The following USP54 variants were observed in gnomAD, a reference collection of about 807,000 sequenced individuals.
The protein encoded by USP54 is ubiquitin specific peptidase 54.
Under a neutral mutation model 170.5 loss-of-function variants are expected in USP54, and 87 were observed. That is an observed-to-expected ratio of 0.51 (90% CI 0.43 to 0.61). The LOEUF (loss-of-function observed/expected upper bound fraction) is 0.61. Among genes scored for constraint, USP54 ranks in the 20% least tolerant of loss-of-function variants. USP54 has a pLI of 0.00. For missense variants in USP54, 1,786 were observed against 2,047.8 expected (o/e 0.87, Z 2.47); for synonymous variants, 655 against 742.8 (o/e 0.88, Z 1.92).
At chr10:73,527,128 C>T (rs2063018663) in intron 15 of USP54, among the ~76,000 whole-genome samples, 1 of 152,158 alleles carries the variant, frequency 6.6e-6, no homozygotes, top group Non-Finnish European at 1.5e-5. Context: ...CAGGGAAGAA[C>T]ATTGACAGAG....
chr10:73,553,212 C>T (rs181581053), intron 4 of USP54: 104 of 152,316 alleles, frequency 6.8e-4, no homozygotes, highest in African/African-American at 2.4e-3. Context: ...AATCTTTTCT[C>T]ACCTCTTAAT....
In USP54 at chr10:73,542,827, T is replaced by C; in HGVS notation, c.548A>G (p.His183Arg). 1 of 1,613,442 alleles carries C rather than the reference T, an allele frequency of 6.2e-7. No homozygotes were observed. Among genetic ancestry groups the C allele is most frequent in the Non-Finnish European group, 8.5e-7 (1 of 1,179,978 alleles). ...SDPLPFIQMV[H>R]YISTTSLCNQ... is the part of the protein sequence containing the mutation. ...CCAAAGGGAAGTGGTGGAGATATAATGTACCATCTGGATGAAAGGCAGCGG... is the reference window on the plus strand; with the variant it reads ...CCAAAGGGAAGTGGTGGAGATATAACGTACCATCTGGATGAAAGGCAGCGG... The change falls in exon 7 of 24, where the codon CAT becomes CGT. Residue 183 changes from histidine (H) to arginine (R), a missense_variant. Physicochemically the swap from His to Arg is conservative, Grantham distance 29. Around this residue, in one of 3 missense-constraint regions of USP54, gnomAD observed 361 missense variants for 455.0 expected, o/e 0.79. Coordinates refer to ENST00000687698, the MANE Select transcript of USP54 (RefSeq NM_001391956.1).
intron 4 of USP54, among the ~76,000 whole-genome samples, chr10:73,569,612 G>T (rs953435153): frequency 6.6e-6 from 1 of 151,852 alleles, no homozygotes; most frequent in African/African-American, 2.4e-5. Context: ...ATTAGCTAGG[G>T]CGTGGTGGCA....
At chr10:73,570,633 A>G (rs1338996549) in intron 4 of USP54, among the ~76,000 whole-genome samples, 1 of 145,130 alleles carries the variant, frequency 6.9e-6, no homozygotes, top group Non-Finnish European at 1.5e-5. Flanking sequence ...TGCAGCTTTT[A>G]ACTTCTAAGC....
chr10:73,564,190 A>G (rs2073777823), intron 4 of USP54, among the ~76,000 whole-genome samples: 3 of 152,106 alleles, frequency 2.0e-5, no homozygotes, highest in Admixed American at 1.3e-4. Flanking sequence ...TTGTAGAGAC[A>G]GGATCTCATT....
intron 20 of USP54, chr10:73,506,705 A>G (rs1000512602): frequency 1.8e-4 from 27 of 152,290 alleles, no homozygotes; most frequent in African/African-American, 6.5e-4. Flanking sequence ...GCTGAATCAG[A>G]AGGTTTGTGG....
intron 3 of USP54, 88 bp downstream of exon 3, chr10:73,575,424 C>A (rs2075984558): frequency 7.2e-7 from 1 of 1,386,598 alleles, no homozygotes; most frequent in African/African-American, 1.5e-5. Context: ...CAGAGACTAT[C>A]AAACATTTTA....
intron 22 of USP54, 38 bp from the exon 23 acceptor site, chr10:73,500,876 G>T: frequency 6.4e-7 from 1 of 1,572,678 alleles, no homozygotes; most frequent in Non-Finnish European, 8.6e-7. Context: ...TAGAGATGAG[G>T]ATTAACACAA....
intron 9 of USP54, 41 bp downstream of exon 9, chr10:73,541,334 G>A (rs373603863): frequency 1.3e-5 from 21 of 1,611,938 alleles, no homozygotes; most frequent in Admixed American, 1.7e-5. Context: ...ATACTAAGAC[G>A]CAAGAACTCA....
In USP54 at chr10:73,498,465, G is replaced by A. The variant is rs1006615856; in HGVS notation, c.*164C>T. ...TAATTTTTTGTATTTTGGTAGAGAC[G>A]GGGTTTCACCATGTTGGCCAGGATG... On this transcript the variant is annotated 3_prime_UTR_variant, in exon 24 of 24. Coordinates refer to ENST00000687698, the MANE Select transcript of USP54 (RefSeq NM_001391956.1). 36 of 530,910 alleles carry A rather than the reference G, an allele frequency of 6.8e-5. 1 individual carries two copies. In the South Asian group the frequency reaches 1.1e-3, roughly 16 times the overall value. 32.9% of individuals were successfully genotyped at this position (530,910 alleles called of 1,614,324 possible).
At position 73,571,504 on chromosome 10, in the gene USP54, G is replaced by A. The variant is rs1248426271; in HGVS notation, c.157C>T (p.His53Tyr). 6.2e-7 allele frequency: 1 copy of A among 1,613,438 alleles called. No homozygotes were observed. The highest frequency in any genetic ancestry group is 1.7e-5 in the Admixed American group (1 of 59,940). ...FLNSALQVLW[H>Y]LDIFRRSFRQ... ...AAGCTACGTCGGAAGATATCCAAGTGCCACAAAACCTGATGAGAAAAGGAA... is the reference window on the plus strand; with the variant it reads ...AAGCTACGTCGGAAGATATCCAAGTACCACAAAACCTGATGAGAAAAGGAA... Residue 53 changes from histidine to tyrosine, a missense_variant, in exon 4 of 24, where the codon CAC becomes TAC. Coordinates refer to ENST00000687698, the MANE Select transcript of USP54 (RefSeq NM_001391956.1).
intron 1 of USP54, among the ~76,000 whole-genome samples, chr10:73,586,272 A>G (rs868472655): frequency 2.0e-5 from 3 of 152,124 alleles, no homozygotes; most frequent in Non-Finnish European, 4.4e-5. Flanking sequence ...CTCTCTCTGG[A>G]ATGCCTTTCC....
intron 1 of USP54, among the ~76,000 whole-genome samples, chr10:73,618,725 G>A (rs1212977814): frequency 7.0e-6 from 1 of 142,460 alleles, no homozygotes; most frequent in Non-Finnish European, 1.5e-5. Context: ...CTGGGTCACA[G>A]AGCGAGACTC....
chr10:73,502,976 A>G lies in USP54; in HGVS notation c.4311+1874T>C, dbSNP rs143754356. 4.5e-3 allele frequency among the ~76,000 whole-genome samples: 687 copies of G among 152,226 alleles called. 3 individuals are homozygous for G. The highest frequency in any genetic ancestry group is 8.2e-3 in the Non-Finnish European group (556 of 68,016). On this transcript the variant is annotated intron_variant, in intron 22 of 23. Transcript: ENST00000687698. ...ATCATCCTTTATCCCCACTCCCAAC[A>G]TCCAGGCAGGCACCAACTCCCACTG...
chr10:73,532,872 A>G (rs2064325516), intron 12 of USP54, among the ~76,000 whole-genome samples: 1 of 152,230 alleles, frequency 6.6e-6, no homozygotes. Flanking sequence ...GGACTTATCA[A>G]CTCATCAGAA....
intron 4 of USP54, among the ~76,000 whole-genome samples, chr10:73,563,232 A>T (rs1589121487): frequency 6.8e-6 from 1 of 148,122 alleles, no homozygotes; most frequent in Non-Finnish European, 1.5e-5. Context: ...GGGATTACAG[A>T]TGTGAGCCAC....
At chr10:73,527,104 C>G (rs2063012757) in intron 15 of USP54, among the ~76,000 whole-genome samples, 1 of 152,178 alleles carries the variant, frequency 6.6e-6, no homozygotes. Flanking sequence ...TAAAACTCAA[C>G]AGGATCCTGT....
At chr10:73,513,085 T>C (rs2060469348) in intron 20 of USP54, 1 of 152,138 alleles carries the variant, frequency 6.6e-6, no homozygotes, top group African/African-American at 2.4e-5. Context: ...AAAAGGTTAT[T>C]CTAAGGAGCT....
intron 4 of USP54, among the ~76,000 whole-genome samples, chr10:73,557,582 T>C (rs946286155): frequency 1.0e-4 from 15 of 150,438 alleles, no homozygotes; most frequent in African/African-American, 2.9e-4. Context: ...ACCTCCCGGG[T>C]TCAAGCGATT....
Sources: allele counts gnomAD v4.1 joint callset (sites outside exome capture counted in the v4.1 genomes callset), GRCh38; gene constraint gnomAD v4.1.1; regional missense constraint gnomAD v4.1.1; transcripts MANE v1.5; gene names NCBI Gene and HGNC (gene_info 2026-07-23, HGNC 2026-07-21).